Variants in EGFLAM observed in about 807,000 individuals in gnomAD.
EGFLAM encodes the protein EGF like, fibronectin type III and laminin G domains.
In EGFLAM, 79 loss-of-function variants were observed where a neutral mutation model predicts 113.1. That is an observed-to-expected ratio of 0.70 (90% CI 0.58 to 0.84). The LOEUF (loss-of-function observed/expected upper bound fraction) is 0.84, where lower values mean the gene tolerates loss of function less well. Ranked by LOEUF, EGFLAM falls within the 40% of genes least tolerant of loss-of-function variation. The pLI, the probability that EGFLAM is intolerant of heterozygous loss-of-function variation, is 0.00. For synonymous variants in EGFLAM, 504 were observed against 487.6 expected (o/e 1.03, Z -0.44); for missense variants, 1,265 against 1,291.6 (o/e 0.98, Z 0.32).
rs1252272347 is a variant in EGFLAM at position 38,448,341 on chromosome 5, C to G, written c.2505C>G (p.Arg835=). Residue 835 remains arginine (R), a synonymous_variant, in exon 18 of 22, where the codon CGC becomes CGG. Coordinates refer to ENST00000322350, the MANE Select transcript of EGFLAM (RefSeq NM_152403.4). The stretch of plus-strand genomic sequence containing the variant: ...TTGAGATCCCGCAGTTTATCGGCCG[C>G]AGTTACCTGACGTATGACAACCCAG... ...EAIEIPQFIG[R]SYLTYDNPDI... 1 of 1,614,148 alleles carries G rather than the reference C, an allele frequency of 6.2e-7. No individual in the cohort carries two copies. The highest frequency in any genetic ancestry group is 8.5e-7 in the Non-Finnish European group (1 of 1,180,028).
chr5:38,428,945 C>A (rs1258048084), intron 14 of EGFLAM, among the ~76,000 whole-genome samples: 2 of 152,164 alleles, frequency 1.3e-5, no homozygotes, highest in African/African-American at 2.4e-5. Context: ...TTATCCTATC[C>A]CCTCCTGAGC....
chr5:38,340,172 G>A (rs532751785), intron 3 of EGFLAM, among the ~76,000 whole-genome samples: 1 of 152,186 alleles, frequency 6.6e-6, no homozygotes, highest in African/African-American at 2.4e-5. Context: ...GGTCACTGCT[G>A]TATATACCTA....
intron 5 of EGFLAM, among the ~76,000 whole-genome samples, chr5:38,364,868 C>G (rs1210681540): frequency 6.6e-6 from 1 of 152,116 alleles, no homozygotes; most frequent in Non-Finnish European, 1.5e-5. Context: ...AGAGAAAATA[C>G]TTAGGGAGGG....
chr5:38,368,694 T>C (rs556450394), intron 5 of EGFLAM, among the ~76,000 whole-genome samples: 1 of 152,090 alleles, frequency 6.6e-6, no homozygotes, highest in Non-Finnish European at 1.5e-5. Context: ...AGCAAAGGGA[T>C]GGGGAATCGT....
At chr5:38,281,023 G>T (rs1757999368) in intron 1 of EGFLAM, among the ~76,000 whole-genome samples, 1 of 152,256 alleles carries the variant, frequency 6.6e-6, no homozygotes, top group East Asian at 1.9e-4. Context: ...TGGATAAGGG[G>T]ATGTTAAGAC....
chr5:38,364,077 C>T (rs1739997765), intron 5 of EGFLAM, among the ~76,000 whole-genome samples: 1 of 152,212 alleles, frequency 6.6e-6, no homozygotes, highest in Non-Finnish European at 1.5e-5. Context: ...AAGTTGAATT[C>T]TGAAGATATT....
intron 6 of EGFLAM, among the ~76,000 whole-genome samples, chr5:38,393,932 A>G (rs189345049): frequency 1.3e-5 from 2 of 152,326 alleles, no homozygotes; most frequent in Admixed American, 1.3e-4. Flanking sequence ...AAGGTGATGA[A>G]TACAGAAGAC....
At chr5:38,424,868 G>T (rs555806919) in intron 12 of EGFLAM, 99 bp from the exon 13 acceptor site, 1 of 1,487,166 alleles carries the variant, frequency 6.7e-7, no homozygotes, top group African/African-American at 1.4e-5. Flanking sequence ...GAACTGAAAT[G>T]TATTTATTCA....
intron 11 of EGFLAM, among the ~76,000 whole-genome samples, chr5:38,416,645 T>C (rs1047703444): frequency 1.3e-5 from 2 of 152,138 alleles, no homozygotes; most frequent in African/African-American, 4.8e-5. Flanking sequence ...TAGAAAAGGA[T>C]TGAGCTGTCA....
At chr5:38,302,727 A>G (rs1424083131) in intron 1 of EGFLAM, among the ~76,000 whole-genome samples, 1 of 147,822 alleles carries the variant, frequency 6.8e-6, no homozygotes, top group Non-Finnish European at 1.5e-5. Flanking sequence ...AAAAAAAAAA[A>G]GAACATGGAA....
At chr5:38,417,054 T>TA (rs1043490392) in intron 11 of EGFLAM, among the ~76,000 whole-genome samples, 12 of 151,540 alleles carry the variant, frequency 7.9e-5, no homozygotes, top group Non-Finnish European at 1.6e-4. Flanking sequence ...ATTTTGGTCA[T>TA]AAAAAAAAGA....
chr5:38,260,112 T>C (rs190953196), intron 1 of EGFLAM, among the ~76,000 whole-genome samples: 2 of 152,336 alleles, frequency 1.3e-5, no homozygotes, highest in Admixed American at 6.5e-5. Context: ...ATTTTGGAGA[T>C]AATAGCTTCA....
Position 38,382,043 on chromosome 5 carries a change from A to G in EGFLAM, c.712+11581A>G, listed in dbSNP as rs142996090. ...AGAGAAACCATTGCAGTAATTGCAA[A>G]ACAGAAATAGTATTTGTGTTATCGC... On this transcript the variant is annotated intron_variant, in intron 6 of 21. Transcript: ENST00000322350. Among the ~76,000 whole-genome samples, 121 of 152,336 alleles carry G rather than the reference A, an allele frequency of 7.9e-4. 1 individual carries two copies. The East Asian group carries it at 0.016, about 21-fold the overall frequency.
At chr5:38,319,431 T>A (rs1383255004) in intron 1 of EGFLAM, among the ~76,000 whole-genome samples, 4 of 152,210 alleles carry the variant, frequency 2.6e-5, no homozygotes, top group Non-Finnish European at 4.4e-5. Context: ...AGCCATTTAG[T>A]CAATCAGGCA....
At position 38,462,025 on chromosome 5, in the gene EGFLAM, G is replaced by A. The variant is rs373701086; in HGVS notation, c.2772-883G>A. Among the ~76,000 whole-genome samples the A allele has an allele frequency of 5.7e-4, 86 of 152,188 alleles. 1 individual carries two copies. The East Asian group carries it at 7.8e-3, about 14-fold the overall frequency. The stretch of plus-strand genomic sequence containing the variant: ...CTAAAAAAAATACAAAAAATTAGCC[G>A]GGCGAGGTGGCGGGCGCCTGTAGTC... On this transcript the variant is annotated intron_variant, in intron 20 of 21. Coordinates refer to ENST00000322350, the MANE Select transcript of EGFLAM (RefSeq NM_152403.4).
At chr5:38,284,952 A>C (rs1249687498) in intron 1 of EGFLAM, among the ~76,000 whole-genome samples, 2 of 152,216 alleles carry the variant, frequency 1.3e-5, no homozygotes, top group African/African-American at 4.8e-5. Context: ...CATATTTTAA[A>C]GTAGTGACAA....
chr5:38,332,425 T>G (rs971583601), intron 1 of EGFLAM, among the ~76,000 whole-genome samples: 1 of 152,026 alleles, frequency 6.6e-6, no homozygotes, highest in African/African-American at 2.4e-5. Flanking sequence ...TTTTTACTCA[T>G]CTCCCTCCAC....
At chr5:38,367,695 T>A (rs1740098619) in intron 5 of EGFLAM, among the ~76,000 whole-genome samples, 1 of 152,186 alleles carries the variant, frequency 6.6e-6, no homozygotes, top group African/African-American at 2.4e-5. Flanking sequence ...ATAAAGTGAT[T>A]TTCTTCAGTC....
chr5:38,264,722 T>C (rs1295693121), intron 1 of EGFLAM, among the ~76,000 whole-genome samples: 1 of 152,170 alleles, frequency 6.6e-6, no homozygotes, highest in Non-Finnish European at 1.5e-5. Context: ...CCCTTTCCAG[T>C]CCACTGTACT....
Sources: gnomAD v4.1 joint callset for allele counts (sites outside exome capture counted in the v4.1 genomes callset) on GRCh38, gnomAD v4.1.1 for gene constraint, MANE v1.5 for transcripts, NCBI Gene and HGNC (gene_info 2026-07-23, HGNC 2026-07-21) for gene names.